Variants in TTC7B observed in about 807,000 individuals in gnomAD.
TTC7B encodes tetratricopeptide repeat protein 7B.
In TTC7B, 28 loss-of-function variants were observed where a neutral mutation model predicts 106.8. The ratio of observed to expected loss-of-function variants is 0.26; its 90% CI spans 0.19 to 0.36. The LOEUF (loss-of-function observed/expected upper bound fraction) is 0.36. Ranked by LOEUF, TTC7B falls within the 10% of genes least tolerant of loss-of-function variation. The pLI is 1.00. For missense variants in TTC7B, 862 were observed against 1,076.4 expected, an observed-to-expected ratio of 0.80 and a Z score of 2.79; for synonymous variants, 405 against 430.6, an observed-to-expected ratio of 0.94 and a Z score of 0.74.
intron 9 of TTC7B, among the ~76,000 whole-genome samples, chr14:90,659,230 T>TGTGTGTGAGA (rs559012864): frequency 1.4e-4 from 20 of 146,960 alleles, no homozygotes; most frequent in Admixed American, 2.7e-4. Context: ...TGTGTGTGTG[T>TGTGTGTGAGA]GAGAGAGAGA....
chr14:90,580,087 G>A (rs1163081387), intron 18 of TTC7B, among the ~76,000 whole-genome samples: 1 of 152,210 alleles, frequency 6.6e-6, no homozygotes, highest in Non-Finnish European at 1.5e-5. Flanking sequence ...CCAGGCCGAG[G>A]CCCTGTGCTC....
At chr14:90,813,466 G>A (rs1334958178) in intron 1 of TTC7B, among the ~76,000 whole-genome samples, 1 of 152,186 alleles carries the variant, frequency 6.6e-6, no homozygotes, top group Non-Finnish European at 1.5e-5. Flanking sequence ...GTGGAAGGAA[G>A]GAAGGAATGA....
chr14:90,565,217 C>T (rs1890739093), intron 19 of TTC7B, among the ~76,000 whole-genome samples: 1 of 152,126 alleles, frequency 6.6e-6, no homozygotes, highest in South Asian at 2.1e-4. Flanking sequence ...AAACTTTCTC[C>T]CTATCAGCAA....
intron 19 of TTC7B, among the ~76,000 whole-genome samples, chr14:90,560,352 T>A (rs1327294097): frequency 2.0e-5 from 3 of 152,194 alleles, no homozygotes; most frequent in African/African-American, 7.2e-5. Flanking sequence ...CTGCACTGCA[T>A]GCAAGTGTGA....
At chr14:90,748,641 T>C (rs1235226323) in intron 3 of TTC7B, among the ~76,000 whole-genome samples, 1 of 152,166 alleles carries the variant, frequency 6.6e-6, no homozygotes, top group African/African-American at 2.4e-5. Flanking sequence ...CTTTAAATGA[T>C]ATTATACTAC....
rs1793787122 is a variant in TTC7B at position 90,538,581 on chromosome 14, ATGAAGT to A, written c.*2781_*2786del. On this transcript the variant is annotated 3_prime_UTR_variant, in exon 20 of 20. Transcript: ENST00000328459. Reference sequence around the variant, plus strand: ...TGGGGCTGGGGCCAAGGTACTGGGGATGAAGTTGAATGGGAGAGATTTGAGATGCGA... The same window carrying A: ...TGGGGCTGGGGCCAAGGTACTGGGGATGAATGGGAGAGATTTGAGATGCGA... The A allele has an allele frequency of 6.6e-6, 1 of 152,338 alleles. No individual in the cohort carries two copies. The highest frequency in any genetic ancestry group is 2.1e-4 in the South Asian group (1 of 4,814). The allele number at this position is 152,338 out of a possible 1,614,324, so 9.4% of individuals were successfully genotyped here.
chr14:90,725,747 T>A (rs1402936399), intron 5 of TTC7B, among the ~76,000 whole-genome samples: 2 of 152,176 alleles, frequency 1.3e-5, no homozygotes, highest in East Asian at 3.9e-4. Flanking sequence ...CGGCTGACAG[T>A]CATTTGCCTT....
At chr14:90,670,139 G>C (rs1410431549) in intron 9 of TTC7B, among the ~76,000 whole-genome samples, 1 of 152,140 alleles carries the variant, frequency 6.6e-6, no homozygotes, top group Non-Finnish European at 1.5e-5. Context: ...ACATACAATG[G>C]AATATTATTC....
intron 19 of TTC7B, among the ~76,000 whole-genome samples, chr14:90,556,473 C>T (rs890873926): frequency 2.6e-5 from 4 of 152,178 alleles, no homozygotes; most frequent in African/African-American, 9.7e-5. Flanking sequence ...GGTGCTAACA[C>T]AGCCCCTCTT....
intron 2 of TTC7B, among the ~76,000 whole-genome samples, chr14:90,784,569 A>G (rs1566886598): frequency 6.6e-6 from 1 of 151,628 alleles, no homozygotes; most frequent in Non-Finnish European, 1.5e-5. Flanking sequence ...AAAAAAAAAA[A>G]CATATGAGAT....
intron 19 of TTC7B, among the ~76,000 whole-genome samples, chr14:90,562,447 G>C (rs1443852170): frequency 6.6e-6 from 1 of 152,180 alleles, no homozygotes; most frequent in Non-Finnish European, 1.5e-5. Flanking sequence ...ATCCTCCACA[G>C]CTTCCAGTGC....
At chr14:90,646,839 G>A in intron 14 of TTC7B, 112 bp downstream of exon 14, 1 of 1,025,682 alleles carries the variant, frequency 9.7e-7, no homozygotes, top group South Asian at 1.3e-5. Context: ...CTGGCTCCAG[G>A]TCAGCCTCAA....
At chr14:90,632,112 G>T (rs1884728964) in intron 15 of TTC7B, among the ~76,000 whole-genome samples, 1 of 152,098 alleles carries the variant, frequency 6.6e-6, no homozygotes, top group South Asian at 2.1e-4. Flanking sequence ...CTCCCTACTG[G>T]TATCCCTGGG....
intron 3 of TTC7B, among the ~76,000 whole-genome samples, chr14:90,752,328 C>A (rs1388364635): frequency 6.6e-6 from 1 of 151,934 alleles, no homozygotes; most frequent in East Asian, 1.9e-4. Context: ...GACCAGCCTG[C>A]CTAACATAGT....
chr14:90,744,697 G>A, intron 4 of TTC7B, 95 bp downstream of exon 4: 1 of 1,320,738 alleles, frequency 7.6e-7, no homozygotes, highest in South Asian at 1.3e-5. Context: ...CACAGAGACA[G>A]ACAAGTTGAA....
chr14:90,586,181 C>G (rs570160275), intron 18 of TTC7B, among the ~76,000 whole-genome samples: 25 of 152,354 alleles, frequency 1.6e-4, no homozygotes, highest in East Asian at 9.6e-4. Flanking sequence ...TTCCTGCCCC[C>G]CTGGCTGCCG....
At chr14:90,770,516 C>T (rs1248535095) in intron 3 of TTC7B, among the ~76,000 whole-genome samples, 5 of 152,046 alleles carry the variant, frequency 3.3e-5, no homozygotes, top group South Asian at 2.1e-4. Flanking sequence ...ATTAGCTGGG[C>T]GTGGTGGCGC....
intron 7 of TTC7B, among the ~76,000 whole-genome samples, chr14:90,685,564 C>T (rs559909645): frequency 6.6e-6 from 1 of 152,116 alleles, no homozygotes; most frequent in South Asian, 2.1e-4. Context: ...AAGTTGGTTC[C>T]TCAAAAAGAT....
intron 19 of TTC7B, among the ~76,000 whole-genome samples, chr14:90,549,528 G>C (rs1336988126): frequency 6.6e-6 from 1 of 152,222 alleles, no homozygotes; most frequent in Non-Finnish European, 1.5e-5. Context: ...TGGCACACTG[G>C]GGGCTCAGGG....
Sources: allele counts gnomAD v4.1 joint callset (sites outside exome capture counted in the v4.1 genomes callset), GRCh38; gene constraint gnomAD v4.1.1; transcripts MANE v1.5; gene names NCBI Gene and HGNC (gene_info 2026-07-23, HGNC 2026-07-21).